DPP6: variants seen among roughly 807,000 people sequenced by gnomAD.
The protein encoded by DPP6 is dipeptidyl peptidase like 6, also known as A-type potassium channel modulatory protein DPP6.
In DPP6, 69 loss-of-function variants were observed where a neutral mutation model predicts 122.6. The ratio of observed to expected loss-of-function variants is 0.56; its 90% CI spans 0.46 to 0.69. The LOEUF is 0.69. DPP6 is among the 30% of genes least tolerant of loss of function. The probability of loss-of-function intolerance (pLI) is 0.00; values close to 1 mark genes in which losing one functional copy is unlikely to be tolerated. For synonymous variants in DPP6, 418 were observed against 433.1 expected (o/e 0.97, Z 0.43); for missense variants, 928 against 1,116.9 (o/e 0.83, Z 2.41).
At chr7:154,646,592 G>C (rs1045215733) in intron 6 of DPP6, among the ~76,000 whole-genome samples, 19 of 152,140 alleles carry the variant, frequency 1.2e-4, no homozygotes, top group Non-Finnish European at 2.2e-4. Flanking sequence ...TTGTTAGATG[G>C]CTACTTCCAT....
At chr7:153,865,569 C>T in the DPP6 span, among the ~76,000 whole-genome samples, 54 of 152,128 alleles carry the variant, frequency 3.5e-4, no homozygotes, top group African/African-American at 1.3e-3. Context: ...AAATATATCA[C>T]AAGTACCTCT....
chr7:154,719,315 G>A (rs1841674753), intron 7 of DPP6, among the ~76,000 whole-genome samples: 1 of 152,140 alleles, frequency 6.6e-6, no homozygotes, highest in African/African-American at 2.4e-5. Context: ...TGTATGGGCT[G>A]GGGATGCCAG....
chr7:154,892,774 G>T lies in DPP6; in HGVS notation c.*294G>T, dbSNP rs776192775. ...CCCTCCCCCAAGGAACAGAGCAAAGGATGGTGGCCGCAGGCCCCACGCGAG... is the reference window on the plus strand; with the variant it reads ...CCCTCCCCCAAGGAACAGAGCAAAGTATGGTGGCCGCAGGCCCCACGCGAG... On this transcript the variant is annotated 3_prime_UTR_variant, in exon 26 of 26. Transcript: ENST00000377770. 6.3e-6 allele frequency: 4 copies of T among 631,262 alleles called. No homozygotes were observed. In the Admixed American group the frequency reaches 7.4e-5, roughly 12 times the overall value. The allele number at this position is 631,262 out of a possible 1,614,324, so 39.1% of individuals were successfully genotyped here.
chr7:154,759,560 G>A (rs914182779), intron 8 of DPP6, among the ~76,000 whole-genome samples: 5 of 152,182 alleles, frequency 3.3e-5, no homozygotes, highest in East Asian at 1.9e-4. Context: ...ATGCAAATCC[G>A]GCTCTTAGCA....
chr7:154,046,342 C>T (rs1800016462), intron 1 of DPP6, among the ~76,000 whole-genome samples: 1 of 152,162 alleles, frequency 6.6e-6, no homozygotes, highest in Non-Finnish European at 1.5e-5. Flanking sequence ...GTCACATGAC[C>T]AGTCTCAAAG....
In DPP6 at chr7:154,335,520, C is replaced by G. The variant is rs550739055; in HGVS notation, c.244-110694C>G. On this transcript the variant is annotated intron_variant, in intron 1 of 25. Transcript: ENST00000377770. ...GTCATAAACTGTGACACTCGAAATC[C>G]AAGTAGTGCCCCTGGTGGGAGATGT... Among the ~76,000 whole-genome samples the G allele has an allele frequency of 2.0e-5, 3 of 152,284 alleles. No homozygotes were observed. The South Asian group carries it at 6.2e-4, about 32-fold the overall frequency.
chr7:154,140,283 AC>A (rs1356786545), intron 1 of DPP6, among the ~76,000 whole-genome samples: 1 of 152,176 alleles, frequency 6.6e-6, no homozygotes. Context: ...ACCAATCCAC[AC>A]ATTATGAAAG....
At chr7:154,819,784 G>C (rs956816893) in intron 16 of DPP6, among the ~76,000 whole-genome samples, 2 of 152,174 alleles carry the variant, frequency 1.3e-5, no homozygotes, top group Non-Finnish European at 2.9e-5. Context: ...AAACATAAAT[G>C]GTTCACTGTT....
intron 1 of DPP6, among the ~76,000 whole-genome samples, chr7:154,000,723 A>G (rs1307805451): frequency 1.3e-5 from 2 of 151,982 alleles, no homozygotes; most frequent in African/African-American, 4.8e-5. Context: ...CTGGATACTT[A>G]TGGGTGCCAG....
rs372551340 is a variant in DPP6, at chr7:154,275,522, TC to T, written c.244-170690del. Among the ~76,000 whole-genome samples, 6 of 152,314 alleles carry T rather than the reference TC, an allele frequency of 3.9e-5. No individual in the cohort carries two copies. In the East Asian group the frequency reaches 1.2e-3, roughly 29 times the overall value. On this transcript the variant is annotated intron_variant, in intron 1 of 25. Transcript: ENST00000377770. ...AAACAGAGTTTAAAGATGTCCTTGT[TC>T]CAAATTGAGAAGACAAAAAGCAAAC...
chr7:154,647,961 CTG>C (rs1278339163), intron 6 of DPP6, among the ~76,000 whole-genome samples: 1 of 152,054 alleles, frequency 6.6e-6, no homozygotes, highest in Non-Finnish European at 1.5e-5. Flanking sequence ...CACACAATCA[CTG>C]AGCCTGGCCG....
chr7:154,319,626 C>T (rs1443165618), intron 1 of DPP6, among the ~76,000 whole-genome samples: 1 of 151,828 alleles, frequency 6.6e-6, no homozygotes, highest in Non-Finnish European at 1.5e-5. Flanking sequence ...ACCCAGGAGG[C>T]GGAGGTTGTA....
chr7:153,842,598 G>T, the DPP6 span, among the ~76,000 whole-genome samples: 24 of 151,952 alleles, frequency 1.6e-4, no homozygotes, highest in Non-Finnish European at 3.2e-4. Context: ...TATGACTTCA[G>T]TTTTTACATT....
intron 1 of DPP6, among the ~76,000 whole-genome samples, chr7:154,004,258 ATTT>A (rs1337460897): frequency 6.6e-6 from 1 of 152,210 alleles, no homozygotes; most frequent in Non-Finnish European, 1.5e-5. Flanking sequence ...ATCAATCAAC[ATTT>A]ACTGCACAGC....
intron 2 of DPP6, among the ~76,000 whole-genome samples, chr7:154,464,635 T>A (rs1253936579): frequency 6.6e-6 from 1 of 152,234 alleles, no homozygotes; most frequent in South Asian, 2.1e-4. Context: ...GAACAACTTT[T>A]CTTGAGGCAT....
intron 16 of DPP6, among the ~76,000 whole-genome samples, chr7:154,832,338 G>A: frequency 6.6e-6 from 1 of 152,192 alleles, no homozygotes; most frequent in East Asian, 1.9e-4. Context: ...ATGTGCCAGG[G>A]ACTTTGTTGG....
chr7:154,011,087 GT>G (rs1372596252), intron 1 of DPP6, among the ~76,000 whole-genome samples: 2 of 152,222 alleles, frequency 1.3e-5, no homozygotes, highest in South Asian at 4.1e-4. Flanking sequence ...TCCCTCTCCT[GT>G]TTCCTTGCTG....
At chr7:154,077,567 C>A (rs566119040) in intron 1 of DPP6, among the ~76,000 whole-genome samples, 2 of 152,266 alleles carry the variant, frequency 1.3e-5, no homozygotes, top group South Asian at 4.1e-4. Flanking sequence ...GTCTAGGATT[C>A]ATTGTGACAA....
At position 154,483,734 on chromosome 7, in the gene DPP6, G is replaced by A. The variant is rs552653839; in HGVS notation, c.457+8697G>A. On this transcript the variant is annotated intron_variant, in intron 3 of 25. Transcript: ENST00000377770. This position sits in a 1 kb window ranked among gnomAD's most constrained non-coding sequence, Gnocchi z 8.1. ...TTTTGAGACGGAGTCTCGCTCTGTC[G>A]CCCAGGCTGGAGTGCAGTGGCACAA... 3.0e-4 allele frequency among the ~76,000 whole-genome samples: 46 copies of A among 152,268 alleles called. No homozygotes were observed. The highest frequency in any genetic ancestry group is 1.7e-3 in the South Asian group (8 of 4,828).
Sources: allele counts gnomAD v4.1 joint callset (sites outside exome capture counted in the v4.1 genomes callset), GRCh38; gene constraint gnomAD v4.1.1; non-coding constraint Gnocchi (gnomAD v3.1); transcripts MANE v1.5; gene names NCBI Gene and HGNC (gene_info 2026-07-23, HGNC 2026-07-21).